The following GLI3 variants were observed in gnomAD, a reference collection of about 807,000 sequenced individuals.
GLI3 encodes GLI family zinc finger 3, also known as transcription activator GLI3.
Under a neutral mutation model 100.8 loss-of-function variants are expected in GLI3, and 20 were observed. The observed-to-expected ratio is 0.20, with a 90% CI of 0.14 to 0.29. The LOEUF (loss-of-function observed/expected upper bound fraction) is 0.29. Ranked by LOEUF, GLI3 falls within the 10% of genes least tolerant of loss-of-function variation. The pLI is 1.00. For synonymous variants in GLI3, 938 were observed against 860.5 expected (o/e 1.09, Z -1.58); for missense variants, 2,040 against 2,128.5 (o/e 0.96, Z 0.82).
intron 6 of GLI3, among the ~76,000 whole-genome samples, chr7:42,043,465 T>G (rs1028274867): frequency 1.3e-5 from 2 of 152,220 alleles, no homozygotes; most frequent in African/African-American, 4.8e-5. Flanking sequence ...AGTAGCCCAG[T>G]TCTTCACTGA....
At chr7:41,974,107 G>A (rs1562665064) in intron 12 of GLI3, among the ~76,000 whole-genome samples, 1 of 152,156 alleles carries the variant, frequency 6.6e-6, no homozygotes, top group Non-Finnish European at 1.5e-5. Context: ...GAGACCAGAA[G>A]GAGAGAGGGA....
At chr7:41,977,436 C>A in intron 12 of GLI3, 122 bp downstream of exon 12, 1 of 971,146 alleles carries the variant, frequency 1.0e-6, no homozygotes, top group Non-Finnish European at 1.6e-6. Context: ...GGGGCAGAGC[C>A]CCTCATGCTG....
intron 3 of GLI3, among the ~76,000 whole-genome samples, chr7:42,130,304 C>T (rs577710268): frequency 8.5e-5 from 13 of 152,182 alleles, no homozygotes; most frequent in Admixed American, 2.6e-4. Flanking sequence ...TCCTTCTCCA[C>T]GGTTTTGGGG....
intron 3 of GLI3, among the ~76,000 whole-genome samples, chr7:42,139,637 C>T (rs1303370423): frequency 1.3e-5 from 2 of 152,176 alleles, no homozygotes; most frequent in African/African-American, 4.8e-5. Flanking sequence ...CGAGATCACA[C>T]CATTGCACTC....
At position 41,965,622 on chromosome 7, in the gene GLI3, G is replaced by T. The variant is rs372503440; in HGVS notation, c.3451C>A (p.Pro1151Thr). 10 of 1,611,194 alleles carry T rather than the reference G, an allele frequency of 6.2e-6. No homozygotes were observed. The African/African-American group carries it at 9.4e-5, about 15-fold the overall frequency. Reference protein sequence around the residue: ...QQFHALEQPCPEGSKTDLPIQ... With the variant: ...QQFHALEQPCTEGSKTDLPIQ... ...GGCAGGTCGGTTTTGCTGCCCTCGGGGCAGGGCTGCTCGAGGGCATGGAAC... is the reference window on the plus strand; with the variant it reads ...GGCAGGTCGGTTTTGCTGCCCTCGGTGCAGGGCTGCTCGAGGGCATGGAAC... Residue 1151 changes from proline to threonine, a missense_variant, in exon 15 of 15, where the codon CCC becomes ACC. Pro to Thr is a conservative substitution (Grantham distance 38, BLOSUM62 -1). This residue lies in a region of GLI3 where 1,041 missense variants were observed against 924.0 expected (regional missense o/e 1.13). Transcript: ENST00000395925.
Position 42,189,441 on chromosome 7 carries a change from C to G in GLI3, c.124+33689G>C, listed in dbSNP as rs1365161626. Among the ~76,000 whole-genome samples the G allele has an allele frequency of 4.6e-5, 7 of 152,340 alleles. No homozygotes were observed. In the South Asian group the frequency reaches 1.4e-3, roughly 32 times the overall value. On this transcript the variant is annotated intron_variant, in intron 2 of 14. Transcript: ENST00000395925. Reference sequence around the variant, plus strand: ...AATAGTTAGCATTTCAGAACTCCTTCCTGTATTGAGTACTAATCATACCCT... The same window carrying G: ...AATAGTTAGCATTTCAGAACTCCTTGCTGTATTGAGTACTAATCATACCCT...
At chr7:42,115,679 G>C (rs1023705855) in intron 3 of GLI3, among the ~76,000 whole-genome samples, 3 of 152,136 alleles carry the variant, frequency 2.0e-5, no homozygotes, top group Admixed American at 6.5e-5. Context: ...GCACACAGCA[G>C]GGACACAGTG....
chr7:42,049,815 C>T (rs906750873), intron 4 of GLI3, among the ~76,000 whole-genome samples: 7 of 152,144 alleles, frequency 4.6e-5, no homozygotes, highest in Admixed American at 3.3e-4. Flanking sequence ...AGTTGTGCTC[C>T]CCGCTTTTCC....
intron 10 of GLI3, among the ~76,000 whole-genome samples, chr7:41,998,051 G>C (rs1465320870): frequency 2.0e-5 from 3 of 151,998 alleles, no homozygotes; most frequent in African/African-American, 7.2e-5. Context: ...TTTGCAAAGG[G>C]CAAGAATTAG....
At position 41,963,998 on chromosome 7, in the gene GLI3, A is replaced by G. The variant is rs190531579; in HGVS notation, c.*332T>C. 3.0e-4 allele frequency: 68 copies of G among 227,214 alleles called. No homozygotes were observed. The East Asian group carries it at 7.7e-3, about 26-fold the overall frequency. 14.1% of individuals were successfully genotyped at this position (227,214 alleles called of 1,614,324 possible). A position where few individuals can be genotyped will look rare whatever the true frequency, so the allele number is the denominator to read the frequency against. Reference sequence around the variant, plus strand: ...AATCCTTTAATTTGACTGCTCTTCTAAAAGAAAGAAGAATATGCACATCAC... The same window carrying G: ...AATCCTTTAATTTGACTGCTCTTCTGAAAGAAAGAAGAATATGCACATCAC... On this transcript the variant is annotated 3_prime_UTR_variant, in exon 15 of 15. Coordinates refer to ENST00000395925, the MANE Select transcript of GLI3 (RefSeq NM_000168.6).
intron 10 of GLI3, among the ~76,000 whole-genome samples, chr7:41,985,628 T>TA (rs965596737): frequency 2.6e-5 from 4 of 152,264 alleles, no homozygotes; most frequent in South Asian, 2.1e-4. Flanking sequence ...ATGTTTTGCC[T>TA]AAAAAAACAC....
At chr7:42,061,141 G>T (rs1296827036) in intron 4 of GLI3, among the ~76,000 whole-genome samples, 1 of 152,164 alleles carries the variant, frequency 6.6e-6, no homozygotes, top group African/African-American at 2.4e-5. Context: ...TTGAAAACAG[G>T]AAGTTGGGTT....
chr7:42,120,489 G>A (rs896962344), intron 3 of GLI3, among the ~76,000 whole-genome samples: 37 of 152,200 alleles, frequency 2.4e-4, no homozygotes, highest in African/African-American at 8.9e-4. Context: ...AAACACTGAA[G>A]AAATTTGCAA....
At chr7:42,257,699 C>T (rs1233133791) in intron 1 of GLI3, among the ~76,000 whole-genome samples, 1 of 151,954 alleles carries the variant, frequency 6.6e-6, no homozygotes, top group Non-Finnish European at 1.5e-5. Context: ...CACAGATTCC[C>T]TTTATCAGAA....
chr7:42,237,621 G>A (rs1788841488), upstream of GLI3, among the ~76,000 whole-genome samples: 2 of 150,498 alleles, frequency 1.3e-5, no homozygotes, highest in Non-Finnish European at 3.0e-5. Flanking sequence ...AGATGTTGCC[G>A]GACTCTCCTC....
At chr7:42,125,112 G>A (rs946064689) in intron 3 of GLI3, among the ~76,000 whole-genome samples, 1 of 152,130 alleles carries the variant, frequency 6.6e-6, no homozygotes, top group South Asian at 2.1e-4. Flanking sequence ...GGTATTGCTC[G>A]CACAATAGCA....
intron 2 of GLI3, among the ~76,000 whole-genome samples, chr7:42,204,499 G>C (rs535366874): frequency 6.6e-6 from 1 of 152,296 alleles, no homozygotes; most frequent in African/African-American, 2.4e-5. Context: ...AATTTTGCTA[G>C]TTTACTTATC....
chr7:42,127,987 C>T (rs1786175647), intron 3 of GLI3, among the ~76,000 whole-genome samples: 1 of 146,798 alleles, frequency 6.8e-6, no homozygotes, highest in Non-Finnish European at 1.5e-5. Context: ...CCACCACACT[C>T]CAGCCTGGGC....
intron 1 of GLI3, among the ~76,000 whole-genome samples, chr7:42,236,729 A>G (rs2128707594): frequency 6.6e-6 from 1 of 152,310 alleles, no homozygotes; most frequent in African/African-American, 2.4e-5. Context: ...AAATTCTCCA[A>G]TCCGTCTCCG....
Sources: gnomAD v4.1 joint callset for allele counts (sites outside exome capture counted in the v4.1 genomes callset) on GRCh38, gnomAD v4.1.1 for gene constraint, gnomAD v4.1.1 regional missense constraint, MANE v1.5 for transcripts, NCBI Gene and HGNC (gene_info 2026-07-23, HGNC 2026-07-21) for gene names.